The following ABCA4 variants were observed in gnomAD, a reference collection of about 807,000 sequenced individuals.
ABCA4 encodes the protein ATP binding cassette subfamily A member 4.
Under a neutral mutation model 263.7 loss-of-function variants are expected in ABCA4, and 196 were observed. That is an observed-to-expected ratio of 0.74 (90% CI 0.66 to 0.84). The LOEUF is 0.84. Ranked by LOEUF, ABCA4 falls within the 40% of genes least tolerant of loss-of-function variation. The pLI is 0.00. For synonymous variants in ABCA4, 1,133 were observed against 1,094.2 expected (o/e 1.04, Z -0.70); for missense variants, 2,792 against 2,855.1 (o/e 0.98, Z 0.50).
At chr1:94,072,893 G>A (rs573238854) in intron 11 of ABCA4, among the ~76,000 whole-genome samples, 2 of 152,288 alleles carry the variant, frequency 1.3e-5, no homozygotes, top group South Asian at 4.1e-4. Context: ...TGGGGTGAAT[G>A]AGATTGCAGA....
chr1:94,007,887 C>A, intron 42 of ABCA4, 147 bp from the exon 43 acceptor site: 1 of 739,370 alleles, frequency 1.4e-6, no homozygotes, highest in Non-Finnish European at 2.4e-6. Context: ...GGCTACTAAG[C>A]ACTTGAAACA....
Position 94,043,354 on chromosome 1 carries a change from C to T in ABCA4, c.3172G>A (p.Glu1058Lys), listed in dbSNP as rs1265535267. 1.2e-6 allele frequency: 2 copies of T among 1,614,102 alleles called. No individual in the cohort carries two copies. The highest frequency in any genetic ancestry group is 1.7e-6 in the Non-Finnish European group (2 of 1,180,014). Residue 1058 changes from glutamate (E) to lysine (K), a missense_variant, in exon 21 of 50, where the codon GAG (glutamate) becomes AAG (lysine). Glu to Lys is a moderately conservative substitution (Grantham distance 56, BLOSUM62 1). Transcript: ENST00000370225. ...DTGLHHKRNE[E>K]AQDLSGGMQR... ...TGAGCACCTGATAGGTCCTGAGCCTCTTCATTCCGCTTGTGGTGGAGGCCT... is the reference window on the plus strand; with the variant it reads ...TGAGCACCTGATAGGTCCTGAGCCTTTTCATTCCGCTTGTGGTGGAGGCCT...
chr1:94,000,619 C>T (rs535890640), intron 47 of ABCA4, among the ~76,000 whole-genome samples: 13 of 152,226 alleles, frequency 8.5e-5, no homozygotes, highest in African/African-American at 2.6e-4. Flanking sequence ...GAGACTTGGG[C>T]GAGTCTTCGA....
At chr1:94,013,288 T>C (rs2101011383) in intron 38 of ABCA4, among the ~76,000 whole-genome samples, 1 of 152,278 alleles carries the variant, frequency 6.6e-6, no homozygotes, top group Admixed American at 6.5e-5. Flanking sequence ...CAGATGAGGC[T>C]TCGTTACTTG....
In ABCA4 at chr1:94,080,772, G is replaced by A. The variant is rs1467974085; in HGVS notation, c.859-54C>T. Reference sequence around the variant, plus strand: ...TTTAAGGCAGCTAGAGTCATAATCTGCTGTGAGGCCAATGCTCCAACGTTT... The same window carrying A: ...TTTAAGGCAGCTAGAGTCATAATCTACTGTGAGGCCAATGCTCCAACGTTT... On this transcript the variant is annotated intron_variant, in intron 7 of 49. Transcript: ENST00000370225. 1.6e-5 allele frequency: 26 copies of A among 1,612,076 alleles called. No homozygotes were observed. The East Asian group carries it at 2.9e-4, about 18-fold the overall frequency.
chr1:94,040,089 C>T lies in ABCA4; in HGVS notation c.3561G>A (p.Thr1187=), dbSNP rs138761163. The change falls in exon 24 of 50, where the codon ACG becomes ACA. Residue 1187 remains threonine (T), a synonymous_variant. Transcript: ENST00000370225. Reference sequence around the variant, plus strand: ...TTAGGTCATCGACGTGGGCTGGACACGTGGTGGAGAAACCCTTAGACGAGC... The same window carrying T: ...TTAGGTCATCGACGTGGGCTGGACATGTGGTGGAGAAACCCTTAGACGAGC... The part of the protein sequence containing the change: ...CSCSSKGFST[T]CPAHVDDLTP... 140 of 1,610,144 alleles carry T rather than the reference C, an allele frequency of 8.7e-5. No homozygotes were observed. Among genetic ancestry groups the T allele is most frequent in the Non-Finnish European group, 1.1e-4 (131 of 1,178,188 alleles).
intron 6 of ABCA4, among the ~76,000 whole-genome samples, chr1:94,086,016 G>A (rs1383931959): frequency 1.3e-5 from 2 of 152,040 alleles, no homozygotes; most frequent in Non-Finnish European, 2.9e-5. Context: ...CTTCACCATT[G>A]GTAATTATTC....
intron 27 of ABCA4, among the ~76,000 whole-genome samples, chr1:94,031,474 TA>T (rs1168282631): frequency 6.6e-6 from 1 of 152,238 alleles, no homozygotes; most frequent in African/African-American, 2.4e-5. Context: ...ATGATTTTGA[TA>T]TGTAGGGTCA....
intron 1 of ABCA4, among the ~76,000 whole-genome samples, chr1:94,117,075 CCT>C (rs144835850): frequency 5.0e-5 from 7 of 140,906 alleles, no homozygotes; most frequent in African/African-American, 1.0e-4. Context: ...TCTCTCTCTT[CCT>C]CTCTCTCTCT....
chr1:94,100,513 C>A (rs955459008), intron 5 of ABCA4, among the ~76,000 whole-genome samples: 1 of 152,108 alleles, frequency 6.6e-6, no homozygotes, highest in Non-Finnish European at 1.5e-5. Flanking sequence ...TGTTAACTCT[C>A]CAGTGAGTAG....
intron 1 of ABCA4, among the ~76,000 whole-genome samples, chr1:94,113,483 G>A (rs4147808): frequency 0.22 from 33,631 of 152,122 alleles, 3,933 homozygotes; most frequent in African/African-American, 0.29. Flanking sequence ...TTTCTCTGTA[G>A]CCACTCACTC....
At chr1:94,008,037 TA>T (rs1659443181) in intron 42 of ABCA4, among the ~76,000 whole-genome samples, 197 bp downstream of exon 42, 1 of 152,218 alleles carries the variant, frequency 6.6e-6, no homozygotes, top group Non-Finnish European at 1.5e-5. Context: ...TTGAGTAAAA[TA>T]AAAAATACTA....
Position 94,031,850 on chromosome 1 carries a change from G to A in ABCA4, c.4056C>T (p.Leu1352=). Residue 1352 remains leucine (L), a synonymous_variant, in exon 27 of 50, where the codon CTC becomes CTT. Coordinates refer to ENST00000370225, the MANE Select transcript of ABCA4 (RefSeq NM_000350.3). ...PQLNTGTQLV[L]QHVQALLVKR... ...TGACCAGCAGCGCCTGCACATGCTG[G>A]AGGACCAGCTGTGTCCCCGTGTTGA... 6.2e-7 allele frequency: 1 copy of A among 1,614,198 alleles called. No individual in the cohort carries two copies. The highest frequency in any genetic ancestry group is 8.5e-7 in the Non-Finnish European group (1 of 1,180,046).
chr1:94,098,953 G>A lies in ABCA4; in HGVS notation c.609C>T (p.Ile203=), dbSNP rs374246529. The change falls in exon 6 of 50, where the codon ATC becomes ATT. Residue 203 remains isoleucine, a synonymous_variant. Transcript: ENST00000370225. ...GCTCCAGGAGGGCCTCGCTGCAGGC[G>A]ATGTCCTTCAGCGCCAGGTCCGGGA... ...HGVPDLALKD[I]ACSEALLERF... is the part of the protein sequence containing the mutation. 2.2e-5 allele frequency: 35 copies of A among 1,611,988 alleles called. No individual in the cohort carries two copies. The highest frequency in any genetic ancestry group is 6.7e-5 in the African/African-American group (5 of 74,940).
At chr1:93,993,822 G>C in intron 49 of ABCA4, among the ~76,000 whole-genome samples, 1 of 152,130 alleles carries the variant, frequency 6.6e-6, no homozygotes, top group East Asian at 1.9e-4. Flanking sequence ...TAACTGGAGA[G>C]ATACTGTCTC....
chr1:94,044,244 C>G (rs1660607722), intron 20 of ABCA4, among the ~76,000 whole-genome samples: 1 of 152,146 alleles, frequency 6.6e-6, no homozygotes, highest in African/African-American at 2.4e-5. Flanking sequence ...GAAAAGTTTG[C>G]CTTTCAGGCC....
At chr1:94,057,485 T>A (rs1273255834) in intron 14 of ABCA4, among the ~76,000 whole-genome samples, 2 of 152,140 alleles carry the variant, frequency 1.3e-5, no homozygotes, top group Non-Finnish European at 2.9e-5. Flanking sequence ...GGGAGGGAAC[T>A]CCAGAGGAGC....
At chr1:94,086,231 G>A (rs893945971) in intron 6 of ABCA4, among the ~76,000 whole-genome samples, 2 of 152,160 alleles carry the variant, frequency 1.3e-5, no homozygotes, top group Non-Finnish European at 2.9e-5. Context: ...GTTCATTAAG[G>A]ACAGGACCCC....
rs749234960 is a variant in ABCA4 at position 94,047,074 on chromosome 1, C to T, written c.2763G>A (p.Glu921=). 8.7e-6 allele frequency: 14 copies of T among 1,614,038 alleles called. No individual in the cohort carries two copies. Among genetic ancestry groups the T allele is most frequent in the Non-Finnish European group, 1.2e-5 (14 of 1,180,048 alleles). The change falls in exon 19 of 50, where the codon GAG becomes GAA. Residue 921 remains glutamate (E), a synonymous_variant. Transcript: ENST00000370225. ...EGIHDSFFER[E]HPGWVPGVCV... ...ATACCCCAGGAACCCACCCTGGATG[C>T]TCACGTTCAAAGAAGGAGTCTTGGA...
Sources: gnomAD v4.1 joint callset for allele counts (sites outside exome capture counted in the v4.1 genomes callset) on GRCh38, gnomAD v4.1.1 for gene constraint, MANE v1.5 for transcripts, NCBI Gene and HGNC (gene_info 2026-07-23, HGNC 2026-07-21) for gene names.